Variants in PYGB observed in about 807,000 individuals in gnomAD.
The protein encoded by PYGB is glycogen phosphorylase B.
PYGB carries 82 observed loss-of-function variants against 94.3 expected under a neutral mutation model. The ratio of observed to expected loss-of-function variants is 0.87; its 90% CI spans 0.73 to 1.04. The LOEUF is 1.04. PYGB is among the 50% of genes least tolerant of loss of function. The pLI is 0.00. For missense variants in PYGB, 1,132 were observed against 1,158.2 expected (o/e 0.98, Z 0.33); for synonymous variants, 488 against 479.1 (o/e 1.02, Z -0.24).
chr20:25,248,091 G>C lies in PYGB; in HGVS notation c.-88G>C, dbSNP rs1173456662. On this transcript the variant is annotated 5_prime_UTR_variant, in exon 1 of 20. Transcript: ENST00000216962. ...AGCCGCAGTGCCGGGCGCCAGAGCA[G>C]CGGCGCCAGAGCAGCTGCACCATCC... 1.5e-6 allele frequency: 2 copies of C among 1,337,186 alleles called. No homozygotes were observed. The highest frequency in any genetic ancestry group is 1.9e-6 in the Non-Finnish European group (2 of 1,041,136). 82.8% of individuals were successfully genotyped at this position (1,337,186 alleles called of 1,614,324 possible).
At chr20:25,261,680 C>A (rs752689064) in intron 2 of PYGB, among the ~76,000 whole-genome samples, 2 of 152,164 alleles carry the variant, frequency 1.3e-5, no homozygotes, top group African/African-American at 4.8e-5. Flanking sequence ...TCAAACTTCT[C>A]CGAGCTAAAG....
At chr20:25,289,061 CTG>C (rs1383489547) in intron 15 of PYGB, among the ~76,000 whole-genome samples, 3 of 152,280 alleles carry the variant, frequency 2.0e-5, no homozygotes, top group African/African-American at 4.8e-5. Flanking sequence ...TGAGTCTGGA[CTG>C]TGTGAGGCAC....
chr20:25,280,278 A>G lies in PYGB; in HGVS notation c.1105A>G (p.Thr369Ala), dbSNP rs113846848. 3.3e-5 allele frequency: 53 copies of G among 1,613,974 alleles called. No individual in the cohort carries two copies. Among genetic ancestry groups the G allele is most frequent in the African/African-American group, 4.0e-5 (3 of 74,950 alleles). ...KVDWDKAWEITKKTCAYTNHT... is the reference protein window; with the variant it reads ...KVDWDKAWEIAKKTCAYTNHT... ...TCTAATGGCCTAGGCCTGGGAAATC[A>G]CGAAGAAGACCTGTGCATACACCAA... is the stretch of plus-strand genomic sequence containing the variant. Residue 369 changes from threonine to alanine, a missense_variant, in exon 10 of 20, where the codon ACG (threonine) becomes GCG (alanine). Physicochemically the swap from Thr to Ala is moderately conservative, Grantham distance 58. Coordinates refer to ENST00000216962, the MANE Select transcript of PYGB (RefSeq NM_002862.4).
chr20:25,292,716 G>A (rs995458785), intron 17 of PYGB, 103 bp downstream of exon 17: 1 of 1,394,248 alleles, frequency 7.2e-7, no homozygotes, highest in Non-Finnish European at 9.6e-7. Context: ...CCAGGCCACT[G>A]TGTGCTAGGG....
chr20:25,259,452 C>T (rs540426626), intron 2 of PYGB, 114 bp downstream of exon 2: 73 of 798,790 alleles, frequency 9.1e-5, no homozygotes, highest in Middle Eastern at 7.6e-4. Flanking sequence ...ATCTGGGAAT[C>T]GGGAGATTTA....
rs202184507 is a variant in PYGB at position 25,281,156 on chromosome 20, C to G, written c.1403+44C>G. ...CGAGCGGGGCCAGCTCTGTCTGACA[C>G]CCAGGCCTGCGTCTAGGACCATCCA... On this transcript the variant is annotated intron_variant, in intron 11 of 19. Coordinates refer to ENST00000216962, the MANE Select transcript of PYGB (RefSeq NM_002862.4). 1.6e-4 allele frequency: 251 copies of G among 1,606,066 alleles called. 3 individuals are homozygous for G. In the South Asian group the frequency reaches 2.6e-3, roughly 16 times the overall value.
At position 25,269,519 on chromosome 20, in the gene PYGB, GC is replaced by G. The variant is rs747481607; in HGVS notation, c.424+315del. Among the ~76,000 whole-genome samples the G allele has an allele frequency of 2.4e-3, 367 of 152,334 alleles. 1 individual carries two copies. The highest frequency in any genetic ancestry group is 3.7e-3 in the Non-Finnish European group (253 of 68,034). ...CACAAGAGCCAGTGATTGGCAGACA[GC>G]CCAAAGGATGGAAAGATGATTTCTG... is the stretch of plus-strand genomic sequence containing the variant. On this transcript the variant is annotated intron_variant, in intron 3 of 19. Transcript: ENST00000216962.
intron 7 of PYGB, 22 bp downstream of exon 7, chr20:25,277,348 T>C (rs2088322370): frequency 6.5e-7 from 1 of 1,529,552 alleles, no homozygotes; most frequent in South Asian, 1.1e-5. Context: ...GCCTGGGCAC[T>C]CTTGCTCAGG....
intron 2 of PYGB, among the ~76,000 whole-genome samples, chr20:25,262,775 A>G (rs536750381): frequency 7.8e-4 from 118 of 152,222 alleles, no homozygotes; most frequent in African/African-American, 2.8e-3. Flanking sequence ...AGGAAGATCT[A>G]CCAAGCAAAT....
chr20:25,248,724 T>G (rs1366027727), intron 1 of PYGB, among the ~76,000 whole-genome samples: 4 of 143,146 alleles, frequency 2.8e-5, no homozygotes. Context: ...GGTCTCTTTC[T>G]GGCCGTGCGC....
rs181333215 is a variant in PYGB, at chr20:25,263,647, A to G, written c.345+4309A>G. Among the ~76,000 whole-genome samples the G allele has an allele frequency of 9.1e-4, 138 of 152,346 alleles. 1 individual carries two copies. Among genetic ancestry groups the G allele is most frequent in the Non-Finnish European group, 1.3e-3 (87 of 68,022 alleles). On this transcript the variant is annotated intron_variant, in intron 2 of 19. Transcript: ENST00000216962. ...ACAAACTACCATCAGAGAATACTAT[A>G]AACACCTCTATGCAAATAAACTAGA...
At chr20:25,276,090 GGA>G (rs1262603885) in intron 5 of PYGB, among the ~76,000 whole-genome samples, 1 of 152,204 alleles carries the variant, frequency 6.6e-6, no homozygotes, top group Non-Finnish European at 1.5e-5. Context: ...GGCTTGTCAA[GGA>G]GAGAGGGAGC....
intron 18 of PYGB, chr20:25,295,013 C>A (rs913979122): frequency 2.2e-5 from 36 of 1,614,074 alleles, no homozygotes; most frequent in Non-Finnish European, 2.9e-5. Flanking sequence ...TGGGCTGGAA[C>A]CTGGGCCCTG....
rs754795509 is a variant in PYGB, at chr20:25,296,446, C to T, written c.2456C>T (p.Thr819Met). 6.2e-6 allele frequency: 10 copies of T among 1,613,926 alleles called. No individual in the cohort carries two copies. Among genetic ancestry groups the T allele is most frequent in the Admixed American group, 5.0e-5 (3 of 60,012 alleles). Reference protein sequence around the residue: ...SGKFSSDRTITEYAREIWGVE... With the variant: ...SGKFSSDRTIMEYAREIWGVE... The stretch of plus-strand genomic sequence containing the variant: ...AAGTTCTCCAGTGACCGGACCATCA[C>T]GGAGTATGCACGGGAGATCTGGGGT... Residue 819 changes from threonine to methionine, a missense_variant, in exon 20 of 20, where the codon ACG becomes ATG. Coordinates refer to ENST00000216962, the MANE Select transcript of PYGB (RefSeq NM_002862.4).
chr20:25,248,772 G>A (rs2092878957), intron 1 of PYGB, among the ~76,000 whole-genome samples: 1 of 152,250 alleles, frequency 6.6e-6, no homozygotes, highest in African/African-American at 2.4e-5. Flanking sequence ...CCCCGCCCCT[G>A]CCTCCAGCCA....
chr20:25,254,135 G>A (rs1300931767), intron 1 of PYGB, among the ~76,000 whole-genome samples: 2 of 151,318 alleles, frequency 1.3e-5, no homozygotes, highest in Non-Finnish European at 2.9e-5. Context: ...ACGGCAGTGA[G>A]TACTCCGGAA....
chr20:25,296,693 GGAATGTGCTA>G lies in PYGB; in HGVS notation c.*175_*184del, dbSNP rs147078003. 1.4e-3 allele frequency: 1,186 copies of G among 870,442 alleles called. 16 individuals are homozygous for G. The African/African-American group carries it at 0.017, about 13-fold the overall frequency. The allele number at this position is 870,442 out of a possible 1,614,324, so 53.9% of individuals were successfully genotyped here. On this transcript the variant is annotated 3_prime_UTR_variant, in exon 20 of 20. Transcript: ENST00000216962. ...GGTTTTGAGAGAGCAGGGTAAGGAA[GGAATGTGCTA>G]GAAGTGCTCCTAGTTTCTTGTAAAG... is the stretch of plus-strand genomic sequence containing the variant.
Position 25,292,417 on chromosome 20 carries a change from G to A in PYGB, c.1981G>A (p.Ala661Thr), listed in dbSNP as rs201109691. The A allele has an allele frequency of 2.7e-5, 43 of 1,613,142 alleles. No individual in the cohort carries two copies. The Admixed American group carries it at 4.5e-4, about 17-fold the overall frequency. Residue 661 changes from alanine (A) to threonine (T), a missense_variant, in exon 17 of 20, where the codon GCT becomes ACT. Physicochemically the swap from Ala to Thr is moderately conservative, Grantham distance 58. Transcript: ENST00000216962. ...VSLAEKVIPA[A>T]DLSQQISTAG... ...GCTCCCCTCCACAGTGATCCCGGCC[G>A]CTGATCTGTCGCAGCAGATCTCCAC...
At chr20:25,294,623 G>C in intron 18 of PYGB, 4 of 548,446 alleles carry the variant, frequency 7.3e-6, no homozygotes, top group Non-Finnish European at 1.3e-5. Flanking sequence ...GGCCAGTAGA[G>C]GGAGCATGGG....
Sources: allele counts gnomAD v4.1 joint callset (sites outside exome capture counted in the v4.1 genomes callset), GRCh38; gene constraint gnomAD v4.1.1; transcripts MANE v1.5; gene names NCBI Gene and HGNC (gene_info 2026-07-23, HGNC 2026-07-21).